Variants in CRB1 observed in about 807,000 individuals in gnomAD.
CRB1 encodes protein crumbs homolog 1.
Under a neutral mutation model 120.0 loss-of-function variants are expected in CRB1, and 83 were observed. The ratio of observed to expected loss-of-function variants is 0.69; its 90% CI spans 0.58 to 0.83. The LOEUF (loss-of-function observed/expected upper bound fraction) is 0.83. Among genes scored for constraint, CRB1 ranks in the 40% least tolerant of loss-of-function variants. The pLI is 0.00. For missense variants in CRB1, 1,699 were observed against 1,687.6 expected (o/e 1.01, Z -0.12); for synonymous variants, 625 against 612.5 (o/e 1.02, Z -0.30).
intron 1 of CRB1, among the ~76,000 whole-genome samples, chr1:197,272,594 A>G (rs1654967020): frequency 6.6e-6 from 1 of 152,146 alleles, no homozygotes; most frequent in South Asian, 2.1e-4. Context: ...ATTACTCAGT[A>G]ATAAAAAGAA....
chr1:197,208,525 C>T, the CRB1 span, among the ~76,000 whole-genome samples: 11 of 152,156 alleles, frequency 7.2e-5, no homozygotes, highest in African/African-American at 2.4e-4. Flanking sequence ...AGCTACCAGG[C>T]TCCAGAAGTG....
chr1:197,289,007 G>A (rs1245197567), intron 1 of CRB1, among the ~76,000 whole-genome samples: 1 of 150,790 alleles, frequency 6.6e-6, no homozygotes, highest in Non-Finnish European at 1.5e-5. Flanking sequence ...CCAGCCAACA[G>A]CATGTGGAGA....
chr1:197,363,663 C>T (rs1660903033), intron 5 of CRB1, among the ~76,000 whole-genome samples: 1 of 152,056 alleles, frequency 6.6e-6, no homozygotes, highest in Admixed American at 6.6e-5. Flanking sequence ...TTCCAAAGAC[C>T]AACAAAGAGA....
At chr1:197,216,777 G>A in the CRB1 span, among the ~76,000 whole-genome samples, 1 of 152,142 alleles carries the variant, frequency 6.6e-6, no homozygotes, top group Non-Finnish European at 1.5e-5. Flanking sequence ...ACCTACATGA[G>A]TGTCAGCTGC....
chr1:197,215,485 CA>C, the CRB1 span, among the ~76,000 whole-genome samples: 1 of 152,030 alleles, frequency 6.6e-6, no homozygotes, highest in African/African-American at 2.4e-5. Flanking sequence ...CCATGTTGGT[CA>C]GGCTGGTCTC....
chr1:197,251,687 C>G, the CRB1 span, among the ~76,000 whole-genome samples: 1 of 151,962 alleles, frequency 6.6e-6, no homozygotes, highest in East Asian at 1.9e-4. Context: ...GTCAGAAATT[C>G]CTTAAATTTT....
intron 11 of CRB1, among the ~76,000 whole-genome samples, chr1:197,446,732 G>T (rs1199218877): frequency 6.6e-6 from 1 of 152,206 alleles, no homozygotes; most frequent in Non-Finnish European, 1.5e-5. Context: ...TTGTAGAGAA[G>T]ATAGATTTTA....
Position 197,301,532 on chromosome 1 carries a change from C to A in CRB1, c.71-26890C>A, listed in dbSNP as rs182572720. ...ACTCCGTAGATAGTGATTCCTTTGG[C>A]GATTCTGGGAAAAATCCATTGCAAA... On this transcript the variant is annotated intron_variant, in intron 1 of 11. Coordinates refer to ENST00000367400, the MANE Select transcript of CRB1 (RefSeq NM_201253.3). Among the ~76,000 whole-genome samples, 506 of 152,174 alleles carry A rather than the reference C, an allele frequency of 3.3e-3. 2 individuals are homozygous for A. The highest frequency in any genetic ancestry group is 0.012 in the African/African-American group (493 of 41,514).
rs1052661814 is a variant in CRB1, at chr1:197,268,604, TG to T, written c.70+123del. 3.5e-5 allele frequency: 28 copies of T among 804,876 alleles called. No homozygotes were observed. The African/African-American group carries it at 4.2e-4, about 12-fold the overall frequency. The allele number at this position is 804,876 out of a possible 1,614,324, so 49.9% of individuals were successfully genotyped here. A position where few individuals can be genotyped will look rare whatever the true frequency, so the allele number is the denominator to read the frequency against. On this transcript the variant is annotated intron_variant, in intron 1 of 11. Transcript: ENST00000367400. Reference sequence around the variant, plus strand: ...AATGCTAAAAAAGGAAGTTTTTATTTGTTTTTTTTTTAAGTGTCCTGTGTTA... The same window carrying T: ...AATGCTAAAAAAGGAAGTTTTTATTTTTTTTTTTTTAAGTGTCCTGTGTTA...
chr1:197,255,965 TTATATATATATATATATA>T, the CRB1 span, among the ~76,000 whole-genome samples: 35 of 85,340 alleles, frequency 4.1e-4, no homozygotes, highest in South Asian at 5.1e-4. Flanking sequence ...ATAGAACATT[TTATATATATATATATATA>T]TATATATATA....
chr1:197,396,976 C>A (rs1283773046), intron 5 of CRB1, among the ~76,000 whole-genome samples: 2 of 151,954 alleles, frequency 1.3e-5, no homozygotes, highest in African/African-American at 4.8e-5. Flanking sequence ...AGTTTCAGCT[C>A]TTTGAAAGAC....
chr1:197,366,822 A>C (rs1174192856), intron 5 of CRB1, among the ~76,000 whole-genome samples: 1 of 152,198 alleles, frequency 6.6e-6, no homozygotes, highest in African/African-American at 2.4e-5. Context: ...AATTGAGAAA[A>C]ATCTAAAGAT....
chr1:197,451,058 A>G (rs1452841893), intron 11 of CRB1, among the ~76,000 whole-genome samples: 2 of 152,140 alleles, frequency 1.3e-5, no homozygotes, highest in Non-Finnish European at 1.5e-5. Flanking sequence ...GCAAGTTAAC[A>G]TTAGAAGTAC....
chr1:197,236,992 T>C, the CRB1 span, among the ~76,000 whole-genome samples: 1 of 152,182 alleles, frequency 6.6e-6, no homozygotes. Flanking sequence ...TTCTTTTTTA[T>C]AATTTCTTTA....
chr1:197,233,572 G>T, the CRB1 span, among the ~76,000 whole-genome samples: 1 of 152,304 alleles, frequency 6.6e-6, no homozygotes, highest in South Asian at 2.1e-4. Flanking sequence ...AGGGGTCTGA[G>T]CCCTTGGCTC....
intron 11 of CRB1, chr1:197,442,584 TA>T: frequency 7.3e-7 from 1 of 1,372,036 alleles, no homozygotes; most frequent in Non-Finnish European, 9.5e-7. Flanking sequence ...TGTCTGTGTA[TA>T]AAATATTTTC....
At chr1:197,365,908 T>C (rs908640495) in intron 5 of CRB1, among the ~76,000 whole-genome samples, 3 of 152,028 alleles carry the variant, frequency 2.0e-5, no homozygotes, top group Admixed American at 2.0e-4. Flanking sequence ...AGAGTTCTGT[T>C]TGGTTGTTAC....
chr1:197,345,719 G>C (rs1659731367), intron 3 of CRB1, among the ~76,000 whole-genome samples: 1 of 151,960 alleles, frequency 6.6e-6, no homozygotes, highest in Admixed American at 6.6e-5. Flanking sequence ...TGTTGGCGAG[G>C]CTGGTCTCGA....
the CRB1 span, among the ~76,000 whole-genome samples, chr1:197,245,292 G>A: frequency 5.9e-5 from 9 of 151,954 alleles, no homozygotes; most frequent in Non-Finnish European, 1.3e-4. Context: ...TTCACTTCAA[G>A]AATGTTTGTA....
Sources: gnomAD v4.1 joint callset for allele counts (sites outside exome capture counted in the v4.1 genomes callset) on GRCh38, gnomAD v4.1.1 for gene constraint, MANE v1.5 for transcripts, NCBI Gene and HGNC (gene_info 2026-07-23, HGNC 2026-07-21) for gene names.